WDR12: variants seen among roughly 807,000 people sequenced by gnomAD.
WDR12 encodes ribosome biogenesis protein WDR12.
In WDR12, 42 loss-of-function variants were observed where a neutral mutation model predicts 64.3. That is an observed-to-expected ratio of 0.65 (90% CI 0.51 to 0.84). WDR12 has a LOEUF of 0.84. WDR12 is among the 40% of genes least tolerant of loss of function. The pLI is 0.00. For missense variants in WDR12, 469 were observed against 494.6 expected (o/e 0.95, Z 0.49); for synonymous variants, 158 against 173.3 (o/e 0.91, Z 0.70).
Position 202,878,019 on chromosome 2 carries a change from T to C in WDR12, c.*2841A>G, listed in dbSNP as rs1687892029. The stretch of plus-strand genomic sequence containing the variant: ...TATTCCTTCTGTTCAGGGAGTAAGA[T>C]CTAACCACTTGAGTTAACCAAGGAA... On this transcript the variant is annotated 3_prime_UTR_variant, in exon 13 of 13. Coordinates refer to ENST00000261015, the MANE Select transcript of WDR12 (RefSeq NM_018256.4). 6.6e-6 allele frequency: 1 copy of C among 152,190 alleles called. No homozygotes were observed. Among genetic ancestry groups the C allele is most frequent in the Non-Finnish European group, 1.5e-5 (1 of 68,054 alleles). 9.4% of individuals were successfully genotyped at this position (152,190 alleles called of 1,614,324 possible). A position where few individuals can be genotyped will look rare whatever the true frequency, so the allele number is the denominator to read the frequency against.
Position 202,880,949 on chromosome 2 carries a change from G to T in WDR12, c.1195-12C>A. The T allele has an allele frequency of 6.3e-7, 1 of 1,588,064 alleles. No individual in the cohort carries two copies. The highest frequency in any genetic ancestry group is 1.2e-5 in the South Asian group (1 of 85,650). On this transcript the variant is annotated splice_polypyrimidine_tract_variant and intron_variant, in intron 12 of 12. Coordinates refer to ENST00000261015, the MANE Select transcript of WDR12 (RefSeq NM_018256.4). ...CCACTCAGAAGTAGCTGTGTAAAAG[G>T]AGAGAAAAAGACAAGAAAACATAAA... is the stretch of plus-strand genomic sequence containing the variant.
Position 202,901,852 on chromosome 2 carries a change from T to C in WDR12, c.137-733A>G, listed in dbSNP as rs1403447065. 2.6e-5 allele frequency among the ~76,000 whole-genome samples: 4 copies of C among 152,166 alleles called. No individual in the cohort carries two copies. The East Asian group carries it at 7.7e-4, about 29-fold the overall frequency. On this transcript the variant is annotated intron_variant, in intron 2 of 12. Transcript: ENST00000261015. ...ATGCCTGGTTAGATTTCAGGGTTTTTTGGGTTTTTTTTGACAAGAATATTC... is the reference window on the plus strand; with the variant it reads ...ATGCCTGGTTAGATTTCAGGGTTTTCTGGGTTTTTTTTGACAAGAATATTC...
In WDR12 at chr2:202,878,938, T is replaced by C. The variant is rs746292591; in HGVS notation, c.*1922A>G. The stretch of plus-strand genomic sequence containing the variant: ...TAATGATATCATAAAATCTGTAGAA[T>C]GTTTAATACTGATGAAAGGTTTTGT... On this transcript the variant is annotated 3_prime_UTR_variant, in exon 13 of 13. Transcript: ENST00000261015. 24 of 152,238 alleles carry C rather than the reference T, an allele frequency of 1.6e-4. 1 individual carries two copies. The highest frequency in any genetic ancestry group is 3.1e-4 in the Non-Finnish European group (21 of 68,046). 9.4% of individuals were successfully genotyped at this position (152,238 alleles called of 1,614,324 possible).
rs1177046157 is a variant in WDR12 at position 202,875,173 on chromosome 2, A to G, written c.*5687T>C. ...TAAATAACATGAATGACATAATTAC[A>G]TGAATAATAGGATAATTTCTAAAAT... On this transcript the variant is annotated 3_prime_UTR_variant, in exon 13 of 13. Transcript: ENST00000261015. 6.6e-6 allele frequency: 1 copy of G among 152,214 alleles called. No homozygotes were observed. The highest frequency in any genetic ancestry group is 1.5e-5 in the Non-Finnish European group (1 of 68,038). The allele number at this position is 152,214 out of a possible 1,614,324, so 9.4% of individuals were successfully genotyped here.
chr2:202,911,607 T>C lies in WDR12; in HGVS notation c.-131A>G, dbSNP rs1688659840. ...TGCACAGGTAAGCGAGGAACTGCAG[T>C]CTAAGCCTGGACTCTGCCTTCTGCC... On this transcript the variant is annotated 5_prime_UTR_variant, in exon 1 of 13. Coordinates refer to ENST00000261015, the MANE Select transcript of WDR12 (RefSeq NM_018256.4). The C allele has an allele frequency of 1.2e-6, 1 of 842,120 alleles. No homozygotes were observed. Among genetic ancestry groups the C allele is most frequent in the South Asian group, 1.4e-5 (1 of 70,594 alleles). The allele number at this position is 842,120 out of a possible 1,614,324, so 52.2% of individuals were successfully genotyped here.
intron 10 of WDR12, 145 bp from the exon 11 acceptor site, chr2:202,883,886 C>T: frequency 5.0e-6 from 4 of 798,544 alleles, no homozygotes; most frequent in Non-Finnish European, 7.7e-6. Flanking sequence ...AATCTTGGCT[C>T]ACTGCAACCT....
chr2:202,890,687 C>T (rs1359592769), intron 8 of WDR12, among the ~76,000 whole-genome samples: 5 of 151,352 alleles, frequency 3.3e-5, no homozygotes, highest in Non-Finnish European at 7.4e-5. Flanking sequence ...AGGAGAATGG[C>T]GTGAACCCGG....
intron 8 of WDR12, among the ~76,000 whole-genome samples, chr2:202,890,672 G>A (rs1276131540): frequency 6.6e-6 from 1 of 151,930 alleles, no homozygotes; most frequent in Non-Finnish European, 1.5e-5. Context: ...TCAGGAGGCT[G>A]AGGCAGGAGA....
chr2:202,884,597 T>C, intron 8 of WDR12, 62 bp from the exon 9 acceptor site: 1 of 1,504,820 alleles, frequency 6.6e-7, no homozygotes, highest in South Asian at 1.3e-5. Flanking sequence ...GAAACAATAA[T>C]AGTACTTATT....
At position 202,876,057 on chromosome 2, in the gene WDR12, C is replaced by T. The variant is rs1019699112; in HGVS notation, c.*4803G>A. 3 of 152,130 alleles carry T rather than the reference C, an allele frequency of 2.0e-5. No homozygotes were observed. The highest frequency in any genetic ancestry group is 4.4e-5 in the Non-Finnish European group (3 of 68,032). 9.4% of individuals were successfully genotyped at this position (152,130 alleles called of 1,614,324 possible). A position where few individuals can be genotyped will look rare whatever the true frequency, so the allele number is the denominator to read the frequency against. On this transcript the variant is annotated 3_prime_UTR_variant, in exon 13 of 13. Transcript: ENST00000261015. Reference sequence around the variant, plus strand: ...ATTAGGTTTAATTCTGTAAAACTAACCAGCCAAAAACGTTTCTCTCCTAAG... The same window carrying T: ...ATTAGGTTTAATTCTGTAAAACTAATCAGCCAAAAACGTTTCTCTCCTAAG...
chr2:202,911,000 A>C (rs1251989397), intron 1 of WDR12, among the ~76,000 whole-genome samples: 4 of 152,234 alleles, frequency 2.6e-5, no homozygotes, highest in African/African-American at 7.2e-5. Context: ...CTAACAATGC[A>C]ATATATACCA....
intron 4 of WDR12, among the ~76,000 whole-genome samples, chr2:202,898,278 G>C (rs1426623201): frequency 6.6e-6 from 1 of 152,022 alleles, no homozygotes; most frequent in East Asian, 1.9e-4. Flanking sequence ...AGCCTCCCGA[G>C]TAACTGGGAC....
At chr2:202,882,093 A>G (rs72934749) in intron 12 of WDR12, among the ~76,000 whole-genome samples, 13,506 of 151,782 alleles carry the variant, frequency 0.089, 739 homozygotes, top group Non-Finnish European at 0.12. Context: ...ACCATGGATA[A>G]CTAATTTTTT....
At chr2:202,886,565 C>G (rs1297445699) in intron 8 of WDR12, among the ~76,000 whole-genome samples, 2 of 151,998 alleles carry the variant, frequency 1.3e-5, no homozygotes, top group East Asian at 3.9e-4. Flanking sequence ...GTCAGGAGTT[C>G]AAGACCAGCC....
rs1319005602 is a variant in WDR12, at chr2:202,880,409, A to G, written c.*451T>C. ...CTAAAAATACAAAAATTAGCAGGAC[A>G]TCGTGATGTGTGCCTGTAATCCCAG... On this transcript the variant is annotated 3_prime_UTR_variant, in exon 13 of 13. Coordinates refer to ENST00000261015, the MANE Select transcript of WDR12 (RefSeq NM_018256.4). 6.5e-6 allele frequency: 1 copy of G among 152,850 alleles called. No homozygotes were observed. Among genetic ancestry groups the G allele is most frequent in the Non-Finnish European group, 1.5e-5 (1 of 68,636 alleles). 9.5% of individuals were successfully genotyped at this position (152,850 alleles called of 1,614,324 possible).
At position 202,901,002 on chromosome 2, in the gene WDR12, A is replaced by C. The variant is rs1313382620; in HGVS notation, c.231+23T>G. The C allele has an allele frequency of 3.2e-6, 5 of 1,544,560 alleles. 1 individual carries two copies. Among genetic ancestry groups the C allele is most frequent in the Non-Finnish European group, 2.6e-6 (3 of 1,132,766 alleles). On this transcript the variant is annotated intron_variant, in intron 3 of 12. Coordinates refer to ENST00000261015, the MANE Select transcript of WDR12 (RefSeq NM_018256.4). ...GCCGATAATGCCTCAAGTGAAATAC[A>C]GAAGATAAGAATTTGAACTTACTGA... is the stretch of plus-strand genomic sequence containing the variant.
chr2:202,897,748 G>T (rs1404778848), intron 4 of WDR12, among the ~76,000 whole-genome samples: 1 of 149,214 alleles, frequency 6.7e-6, no homozygotes, highest in Non-Finnish European at 1.5e-5. Context: ...AATTAGCCAG[G>T]CATGGTGGCG....
At chr2:202,885,370 C>T (rs1324644701) in intron 8 of WDR12, among the ~76,000 whole-genome samples, 2 of 152,114 alleles carry the variant, frequency 1.3e-5, no homozygotes, top group East Asian at 1.9e-4. Context: ...GCCCAGGATG[C>T]GGTGGGTGAA....
intron 3 of WDR12, 140 bp from the exon 4 acceptor site, chr2:202,899,777 T>A: frequency 1.5e-6 from 1 of 665,890 alleles, no homozygotes; most frequent in Non-Finnish European, 2.5e-6. Context: ...TTGGAGCCAT[T>A]CAAAAAGTCA....
Sources: gnomAD v4.1 joint callset for allele counts (sites outside exome capture counted in the v4.1 genomes callset) on GRCh38, gnomAD v4.1.1 for gene constraint, MANE v1.5 for transcripts, NCBI Gene and HGNC (gene_info 2026-07-23, HGNC 2026-07-21) for gene names.